Variants in TANC1 observed in about 807,000 individuals in gnomAD.
TANC1 encodes tetratricopeptide repeat, ankyrin repeat and coiled-coil containing 1.
A neutral mutation model predicts 149.7 loss-of-function variants in TANC1; 77 were observed. The observed-to-expected ratio is 0.51, with a 90% confidence interval of 0.43 to 0.62. The LOEUF is 0.62. TANC1 is among the 20% of genes least tolerant of loss of function. The probability of loss-of-function intolerance (pLI) is 0.00; values close to 1 mark genes in which losing one functional copy is unlikely to be tolerated. For synonymous variants in TANC1, 854 were observed against 925.0 expected (o/e 0.92, Z 1.39); for missense variants, 1,985 against 2,321.8 (o/e 0.85, Z 2.98).
In TANC1 at chr2:159,171,233, G is replaced by A. The variant is rs117761239; in HGVS notation, c.1351+428G>A. On this transcript the variant is annotated intron_variant, in intron 10 of 26. Coordinates refer to ENST00000263635, the MANE Select transcript of TANC1 (RefSeq NM_033394.3). Reference sequence around the variant, plus strand: ...GATTTTCCAAAATTATAAAGACATAGGATAGAGTAGCCAAATGTTTGACTA... The same window carrying A: ...GATTTTCCAAAATTATAAAGACATAAGATAGAGTAGCCAAATGTTTGACTA... Among the ~76,000 whole-genome samples the A allele has an allele frequency of 7.9e-5, 12 of 152,314 alleles. No homozygotes were observed. The East Asian group carries it at 2.3e-3, about 29-fold the overall frequency.
At chr2:159,028,685 A>G (rs948785132) in intron 2 of TANC1, among the ~76,000 whole-genome samples, 97 of 152,248 alleles carry the variant, frequency 6.4e-4, no homozygotes, top group African/African-American at 2.3e-3. Flanking sequence ...TCTTTCAACA[A>G]TTCTCCATTT....
At chr2:159,146,774 C>T (rs561554159) in intron 5 of TANC1, among the ~76,000 whole-genome samples, 3 of 152,054 alleles carry the variant, frequency 2.0e-5, no homozygotes, top group South Asian at 4.1e-4. Flanking sequence ...CTTCTGACCT[C>T]AGATGATCCA....
At chr2:159,160,336 A>T (rs1372118484) in intron 7 of TANC1, among the ~76,000 whole-genome samples, 1 of 147,996 alleles carries the variant, frequency 6.8e-6, no homozygotes, top group Non-Finnish European at 1.5e-5. Context: ...CTTTTTAGAG[A>T]TTTTTTTTTT....
intron 3 of TANC1, among the ~76,000 whole-genome samples, chr2:159,083,056 C>T (rs2044445601): frequency 6.6e-6 from 1 of 152,200 alleles, no homozygotes; most frequent in Admixed American, 6.5e-5. Context: ...AGTGATTCTC[C>T]TGCTTCATCT....
At chr2:158,970,616 G>T (rs572667443) in intron 1 of TANC1, among the ~76,000 whole-genome samples, 13 of 152,202 alleles carry the variant, frequency 8.5e-5, no homozygotes, top group Non-Finnish European at 1.9e-4. Flanking sequence ...ATATCCTGGT[G>T]GTTCTGAAAT....
At chr2:159,143,990 C>T (rs2051761899) in intron 5 of TANC1, among the ~76,000 whole-genome samples, 2 of 150,684 alleles carry the variant, frequency 1.3e-5, no homozygotes, top group Non-Finnish European at 1.5e-5. Context: ...TGATAAATGT[C>T]AATAGACATA....
In TANC1 at chr2:159,107,150, C is replaced by T. The variant is rs144365189; in HGVS notation, c.259+9316C>T. Among the ~76,000 whole-genome samples, 24 of 152,316 alleles carry T rather than the reference C, an allele frequency of 1.6e-4. No homozygotes were observed. In the East Asian group the frequency reaches 4.1e-3, roughly 26 times the overall value. ...TCAAGCGATTCTCCTGTCTCAGCCTCCTGAGTAGCTGGGACTAAATGCATG... is the reference window on the plus strand; with the variant it reads ...TCAAGCGATTCTCCTGTCTCAGCCTTCTGAGTAGCTGGGACTAAATGCATG... On this transcript the variant is annotated intron_variant, in intron 4 of 26. Transcript: ENST00000263635.
intron 3 of TANC1, among the ~76,000 whole-genome samples, chr2:159,073,711 T>C (rs954558226): frequency 5.3e-5 from 8 of 152,232 alleles, no homozygotes; most frequent in Non-Finnish European, 1.0e-4. Context: ...GTTCCATGTA[T>C]ATGTAACTTA....
chr2:159,217,599 T>C lies in TANC1; in HGVS notation c.3347T>C (p.Leu1116Ser), dbSNP rs1431818676. The C allele has an allele frequency of 1.9e-6, 3 of 1,614,068 alleles. No homozygotes were observed. Among genetic ancestry groups the C allele is most frequent in the Non-Finnish European group, 2.5e-6 (3 of 1,180,040 alleles). ...ACAAACAGGAGAGGGGTTCCACCTT[T>C]GTTTTGTGCAGCACGCCAGGGGCAT... is the stretch of plus-strand genomic sequence containing the variant. ...SRTNRRGVPP[L>S]FCAARQGHWQ... The change falls in exon 20 of 27, where the codon TTG becomes TCG. Residue 1116 changes from leucine (L) to serine (S), a missense_variant. This residue lies in a region of TANC1 where 920 missense variants were observed against 994.7 expected (regional missense o/e 0.92). Coordinates refer to ENST00000263635, the MANE Select transcript of TANC1 (RefSeq NM_033394.3).
chr2:159,223,106 A>G (rs565422559), intron 22 of TANC1, among the ~76,000 whole-genome samples: 8 of 152,150 alleles, frequency 5.3e-5, no homozygotes, highest in African/African-American at 1.2e-4. Flanking sequence ...GGGTTTCACT[A>G]TGTTGGCCAG....
intron 4 of TANC1, among the ~76,000 whole-genome samples, chr2:159,127,099 A>G (rs1022649276): frequency 6.6e-6 from 1 of 151,900 alleles, no homozygotes; most frequent in South Asian, 2.1e-4. Flanking sequence ...TTTTAATGAT[A>G]CCTTATTGAA....
intron 25 of TANC1, chr2:159,228,549 G>A (rs914271625): frequency 6.3e-6 from 3 of 472,902 alleles, no homozygotes; most frequent in African/African-American, 2.0e-5. Context: ...GGGCTGTGAG[G>A]TTCCACCATC....
Position 159,046,259 on chromosome 2 carries a change from C to A in TANC1, c.-15-19637C>A, listed in dbSNP as rs561686481. 1.8e-4 allele frequency among the ~76,000 whole-genome samples: 27 copies of A among 152,242 alleles called. No individual in the cohort carries two copies. In the East Asian group the frequency reaches 5.2e-3, roughly 29 times the overall value. ...AGACTGCGTCTCTCTTTTGCAAATTCCTTTTCTGTGAAAGAAAACCTTGCA... is the reference window on the plus strand; with the variant it reads ...AGACTGCGTCTCTCTTTTGCAAATTACTTTTCTGTGAAAGAAAACCTTGCA... On this transcript the variant is annotated intron_variant, in intron 2 of 26. Transcript: ENST00000263635.
intron 6 of TANC1, 60 bp downstream of exon 6, chr2:159,149,332 C>T (rs1474732229): frequency 1.2e-6 from 2 of 1,604,990 alleles, no homozygotes; most frequent in South Asian, 2.2e-5. Context: ...GAAGCAATAA[C>T]CATCTTCTCC....
chr2:159,063,880 C>T (rs1314005038), intron 2 of TANC1, among the ~76,000 whole-genome samples: 1 of 152,048 alleles, frequency 6.6e-6, no homozygotes, highest in Non-Finnish European at 1.5e-5. Context: ...GGTGTACTGC[C>T]AACTGGTGAT....
At chr2:159,114,291 C>T (rs890089412) in intron 4 of TANC1, among the ~76,000 whole-genome samples, 2 of 152,104 alleles carry the variant, frequency 1.3e-5, no homozygotes, top group Non-Finnish European at 2.9e-5. Flanking sequence ...GCAGGGGCCA[C>T]CTGAGTCCCA....
At chr2:159,127,281 C>T (rs1035464249) in intron 4 of TANC1, among the ~76,000 whole-genome samples, 11 of 152,154 alleles carry the variant, frequency 7.2e-5, no homozygotes, top group South Asian at 2.1e-4. Flanking sequence ...TCATGTCAGT[C>T]GGAATGGCGG....
At chr2:159,171,113 G>A (rs187499559) in intron 10 of TANC1, among the ~76,000 whole-genome samples, 2 of 152,294 alleles carry the variant, frequency 1.3e-5, no homozygotes, top group East Asian at 3.9e-4. Context: ...GGCCCTAAGA[G>A]CAAGGGGTTG....
intron 2 of TANC1, among the ~76,000 whole-genome samples, chr2:159,027,598 C>T (rs2039450243): frequency 6.6e-6 from 1 of 152,190 alleles, no homozygotes; most frequent in Non-Finnish European, 1.5e-5. Flanking sequence ...TCCCCTAATG[C>T]TCCACTTATA....
Sources: gnomAD v4.1 joint callset for allele counts (sites outside exome capture counted in the v4.1 genomes callset) on GRCh38, gnomAD v4.1.1 for gene constraint, gnomAD v4.1.1 regional missense constraint, MANE v1.5 for transcripts, NCBI Gene and HGNC (gene_info 2026-07-23, HGNC 2026-07-21) for gene names.